The following RGS8 variants were observed in gnomAD, a reference collection of about 807,000 sequenced individuals.
The protein encoded by RGS8 is regulator of G-protein signaling 8.
A neutral mutation model predicts 21.7 loss-of-function variants in RGS8; 8 were observed. The observed-to-expected ratio is 0.37, with a 90% CI of 0.22 to 0.66. The LOEUF is 0.66. RGS8 is among the 30% of genes least tolerant of loss of function. RGS8 has a pLI of 0.59. For synonymous variants in RGS8, 80 were observed against 83.6 expected (o/e 0.96, Z 0.24); for missense variants, 157 against 217.9 (o/e 0.72, Z 1.76).
the RGS8 span, among the ~76,000 whole-genome samples, chr1:182,729,723 G>A: frequency 6.6e-6 from 1 of 152,142 alleles, no homozygotes; most frequent in African/African-American, 2.4e-5. Flanking sequence ...AGAAAGCTAT[G>A]AAATAATAGG....
chr1:182,649,369 T>C (rs1051938882), intron 5 of RGS8, among the ~76,000 whole-genome samples: 4 of 152,188 alleles, frequency 2.6e-5, no homozygotes, highest in African/African-American at 4.8e-5. Context: ...AACTACCCAC[T>C]GAAATGCAGT....
At chr1:182,688,644 A>G (rs988512597), upstream of RGS8, among the ~76,000 whole-genome samples, 2 of 152,184 alleles carry the variant, frequency 1.3e-5, no homozygotes, top group African/African-American at 4.8e-5. Flanking sequence ...TTAAAAGTGA[A>G]AGAGGAAGAC....
the RGS8 span, among the ~76,000 whole-genome samples, chr1:182,708,269 GC>G: frequency 2.6e-5 from 4 of 152,138 alleles, no homozygotes; most frequent in Non-Finnish European, 4.4e-5. Flanking sequence ...TTCCACTCAA[GC>G]CTCATCCCTT....
the RGS8 span, among the ~76,000 whole-genome samples, chr1:182,699,122 T>C: frequency 6.6e-6 from 1 of 152,214 alleles, no homozygotes; most frequent in African/African-American, 2.4e-5. Flanking sequence ...GATTCATCTT[T>C]TCTTATTAAA....
the RGS8 span, among the ~76,000 whole-genome samples, chr1:182,742,763 G>GACAGGGACAGGT: frequency 3.0e-3 from 451 of 152,078 alleles, 21 homozygotes; most frequent in East Asian, 0.082. Flanking sequence ...CAGGGACAGG[G>GACAGGGACAGGT]ACAGGGACAG....
At chr1:182,650,261 A>G (rs987445482) in intron 5 of RGS8, among the ~76,000 whole-genome samples, 2 of 152,212 alleles carry the variant, frequency 1.3e-5, no homozygotes, top group Non-Finnish European at 2.9e-5. Context: ...GACGTCCACC[A>G]CTATCCACCA....
chr1:182,740,035 T>C, the RGS8 span, among the ~76,000 whole-genome samples: 2 of 152,238 alleles, frequency 1.3e-5, no homozygotes, highest in South Asian at 4.1e-4. Flanking sequence ...CAGAGTTTAA[T>C]AACAGCCACA....
chr1:182,661,746 A>G (rs1364052962), intron 5 of RGS8, among the ~76,000 whole-genome samples: 1 of 152,050 alleles, frequency 6.6e-6, no homozygotes, highest in Non-Finnish European at 1.5e-5. Context: ...TCCACAAATG[A>G]GGAAACTTTG....
chr1:182,735,985 T>C, the RGS8 span, among the ~76,000 whole-genome samples: 1 of 152,256 alleles, frequency 6.6e-6, no homozygotes, highest in African/African-American at 2.4e-5. Context: ...CATTTGATTA[T>C]GTCTGTCATT....
chr1:182,671,684 G>A (rs1664167001), exon 2 of RGS8: 2 of 1,614,222 alleles, frequency 1.2e-6, no homozygotes, highest in Non-Finnish European at 1.7e-6. Context: ...CATGGCCTGA[G>A]GGTCTTTGCC....
At chr1:182,653,792 G>C (rs1198677321) in intron 5 of RGS8, among the ~76,000 whole-genome samples, 2 of 152,196 alleles carry the variant, frequency 1.3e-5, no homozygotes, top group Non-Finnish European at 2.9e-5. Context: ...TGAAGTTCAA[G>C]AAAAGAATCT....
the RGS8 span, among the ~76,000 whole-genome samples, chr1:182,722,145 G>C: frequency 1.3e-5 from 2 of 151,272 alleles, no homozygotes; most frequent in Admixed American, 1.3e-4. Flanking sequence ...TGAGGAAGAA[G>C]GTAGTTCCAG....
the RGS8 span, among the ~76,000 whole-genome samples, chr1:182,719,350 GA>G: frequency 0.38 from 57,238 of 151,804 alleles, 11,580 homozygotes; most frequent in African/African-American, 0.55. Flanking sequence ...CACAAGAAAA[GA>G]AGAAAATTCA....
At chr1:182,657,845 A>G (rs1340025830) in intron 5 of RGS8, among the ~76,000 whole-genome samples, 2 of 152,210 alleles carry the variant, frequency 1.3e-5, no homozygotes, top group African/African-American at 4.8e-5. Context: ...CTTGTACTTC[A>G]GTGGCTTAAG....
Position 182,666,653 on chromosome 1 carries a change from A to AG in RGS8, c.128+218dup, listed in dbSNP as rs1418078623. Among the ~76,000 whole-genome samples the AG allele has an allele frequency of 1.1e-4, 16 of 150,500 alleles. 1 individual carries two copies. Among genetic ancestry groups the AG allele is most frequent in the Admixed American group, 9.9e-4 (15 of 15,158 alleles). On this transcript the variant is annotated intron_variant, in intron 4 of 6. Transcript: ENST00000483095. ...GAGAGATGGATGATATGGCTTACTTAGGAAAAAAAAAAAAAAGAGGATTCC... is the reference window on the plus strand; with the variant it reads ...GAGAGATGGATGATATGGCTTACTTAGGGAAAAAAAAAAAAAAGAGGATTCC...
At chr1:182,672,078 G>T, upstream of RGS8, 1 of 311,282 alleles carries the variant, frequency 3.2e-6, no homozygotes, top group Non-Finnish European at 5.8e-6. Flanking sequence ...AGTCCCCACA[G>T]CCCACAGCTG....
At chr1:182,644,677 TA>T (rs1662626590), downstream of RGS8, 1 of 152,264 alleles carries the variant, frequency 6.6e-6, no homozygotes, top group Non-Finnish European at 1.5e-5. Flanking sequence ...TGTGCAGTTC[TA>T]ATTTATATGC....
upstream of RGS8, among the ~76,000 whole-genome samples, chr1:182,676,783 C>A (rs186544880): frequency 5.9e-5 from 9 of 152,210 alleles, no homozygotes; most frequent in Non-Finnish European, 1.3e-4. Context: ...GCCTTTGGTA[C>A]TAACTCTGCA....
chr1:182,721,738 A>G, the RGS8 span, among the ~76,000 whole-genome samples: 1 of 152,214 alleles, frequency 6.6e-6, no homozygotes, highest in African/African-American at 2.4e-5. Context: ...CAGCTTTACA[A>G]CACAAAGATG....
Sources: gnomAD v4.1 joint callset for allele counts (sites outside exome capture counted in the v4.1 genomes callset) on GRCh38, gnomAD v4.1.1 for gene constraint, MANE v1.5 for transcripts, NCBI Gene and HGNC (gene_info 2026-07-23, HGNC 2026-07-21) for gene names.